SPIN1: variants seen among roughly 807,000 people sequenced by gnomAD.
The protein encoded by SPIN1 is spindlin 1.
SPIN1 carries 3 observed loss-of-function variants against 26.0 expected under a neutral mutation model. The ratio of observed to expected loss-of-function variants is 0.12; its 90% CI spans 0.05 to 0.30. The LOEUF (loss-of-function observed/expected upper bound fraction) is 0.30, where lower values mean the gene tolerates loss of function less well. Among genes scored for constraint, SPIN1 ranks in the 10% least tolerant of loss-of-function variants. SPIN1 has a pLI of 1.00. For missense variants in SPIN1, 126 were observed against 333.4 expected, an observed-to-expected ratio of 0.38 and a Z score of 4.84; for synonymous variants, 101 against 116.5, an observed-to-expected ratio of 0.87 and a Z score of 0.86.
intron 3 of SPIN1, among the ~76,000 whole-genome samples, chr9:88,456,061 G>A (rs982959644): frequency 1.3e-5 from 2 of 152,148 alleles, no homozygotes. Flanking sequence ...TTAGTTTCCC[G>A]TGTTAGCAAT....
Position 88,477,167 on chromosome 9 carries a change from C to A in SPIN1, c.*1890C>A, listed in dbSNP as rs1828904935. 6.6e-6 allele frequency: 1 copy of A among 152,158 alleles called. No homozygotes were observed. The highest frequency in any genetic ancestry group is 1.5e-5 in the Non-Finnish European group (1 of 68,042). The allele number at this position is 152,158 out of a possible 1,614,324, so 9.4% of individuals were successfully genotyped here. Reference sequence around the variant, plus strand: ...ATTCTACAGATCTGTTATGTGTTTTCCTGTTGACTCTTAAGAGTCCCTGCA... The same window carrying A: ...ATTCTACAGATCTGTTATGTGTTTTACTGTTGACTCTTAAGAGTCCCTGCA... On this transcript the variant is annotated 3_prime_UTR_variant, in exon 6 of 6. Transcript: ENST00000375859.
intron 3 of SPIN1, among the ~76,000 whole-genome samples, chr9:88,458,935 A>T (rs956582312): frequency 6.6e-6 from 1 of 152,196 alleles, no homozygotes; most frequent in Non-Finnish European, 1.5e-5. Flanking sequence ...CCAAATGTTC[A>T]TTCCAGCTAA....
chr9:88,389,129 C>T (rs986711649), intron 1 of SPIN1, among the ~76,000 whole-genome samples: 8 of 152,160 alleles, frequency 5.3e-5, no homozygotes, highest in African/African-American at 1.9e-4. Context: ...GTTGCAGGCT[C>T]CGCGGTTCGC....
In SPIN1 at chr9:88,409,358, C is replaced by CTG. The variant is rs535911102; in HGVS notation, c.-158-17014_-158-17013dup. ...TATTCATTTTGTCTCCTTGTTGGCT[C>CTG]TGTGTGTGTGTATACACACGTGCAC... On this transcript the variant is annotated intron_variant, in intron 1 of 5. Transcript: ENST00000375859. Among the ~76,000 whole-genome samples the CTG allele has an allele frequency of 2.1e-3, 323 of 151,556 alleles. 1 individual carries two copies. The highest frequency in any genetic ancestry group is 7.7e-3 in the African/African-American group (316 of 41,278).
At chr9:88,416,167 G>C (rs1241203265) in intron 1 of SPIN1, among the ~76,000 whole-genome samples, 1 of 152,038 alleles carries the variant, frequency 6.6e-6, no homozygotes, top group Non-Finnish European at 1.5e-5. Flanking sequence ...CTAAATTTTT[G>C]TTGTGAAACA....
chr9:88,464,965 AT>A (rs1185204385), intron 4 of SPIN1, among the ~76,000 whole-genome samples: 1 of 152,194 alleles, frequency 6.6e-6, no homozygotes, highest in East Asian at 1.9e-4. Context: ...GTCTCTATGA[AT>A]TTGACTATTC....
chr9:88,445,467 A>G (rs1051757788), intron 2 of SPIN1, among the ~76,000 whole-genome samples: 67 of 151,158 alleles, frequency 4.4e-4, no homozygotes, highest in Non-Finnish European at 3.5e-4. Context: ...TCTCCAAGGT[A>G]GTACAGTAAG....
chr9:88,457,396 G>T (rs914211705), intron 3 of SPIN1, among the ~76,000 whole-genome samples: 1 of 152,110 alleles, frequency 6.6e-6, no homozygotes, highest in Non-Finnish European at 1.5e-5. Flanking sequence ...GGGTGTGGTG[G>T]TGCACACCTG....
At chr9:88,396,249 AAATTACATTTTTAAAAGG>A (rs1344084685) in intron 1 of SPIN1, among the ~76,000 whole-genome samples, 5 of 151,648 alleles carry the variant, frequency 3.3e-5, no homozygotes, top group Non-Finnish European at 5.9e-5. Context: ...AAAAAAAAAA[AAATTACATTTTTAAAAGG>A]CAGATCTGAC....
intron 2 of SPIN1, among the ~76,000 whole-genome samples, chr9:88,441,398 C>CGCGTGTGTGTGTGTGTGTGTGT (rs757363030): frequency 0.013 from 1,853 of 137,688 alleles, 104 homozygotes; most frequent in African/African-American, 0.055. Flanking sequence ...TGCTGCCATT[C>CGCGTGTGTGTGTGTGTGTGTGT]GTGTGTGTGT....
chr9:88,452,260 G>C (rs1828369348), intron 3 of SPIN1, among the ~76,000 whole-genome samples: 1 of 152,214 alleles, frequency 6.6e-6, no homozygotes, highest in South Asian at 2.1e-4. Context: ...GATGCATGGA[G>C]GGATTAAGTA....
chr9:88,406,906 G>T (rs1385849906), intron 1 of SPIN1, among the ~76,000 whole-genome samples: 1 of 151,718 alleles, frequency 6.6e-6, no homozygotes, highest in Non-Finnish European at 1.5e-5. Context: ...TGTCATTATT[G>T]CATTGTTTTA....
chr9:88,473,069 C>T (rs568826525), intron 5 of SPIN1, among the ~76,000 whole-genome samples: 26 of 152,208 alleles, frequency 1.7e-4, no homozygotes, highest in Non-Finnish European at 3.4e-4. Flanking sequence ...CTCATCTGGC[C>T]TTGAATTTCT....
intron 1 of SPIN1, chr9:88,391,963 A>G (rs1459143868): frequency 6.6e-6 from 1 of 152,220 alleles, no homozygotes; most frequent in East Asian, 1.9e-4. Context: ...TGAAAACCCA[A>G]ACTCCAGCAA....
intron 2 of SPIN1, among the ~76,000 whole-genome samples, chr9:88,447,723 G>A (rs1277676948): frequency 3.9e-5 from 6 of 152,164 alleles, no homozygotes; most frequent in Non-Finnish European, 8.8e-5. Flanking sequence ...TTGCCCACAT[G>A]TACATGTAGT....
At chr9:88,394,168 A>G (rs946753741) in intron 1 of SPIN1, among the ~76,000 whole-genome samples, 5 of 152,166 alleles carry the variant, frequency 3.3e-5, no homozygotes, top group Non-Finnish European at 4.4e-5. Flanking sequence ...GTTTTAATCA[A>G]ATACTCACTG....
At chr9:88,426,923 G>C (rs1206070927) in intron 2 of SPIN1, among the ~76,000 whole-genome samples, 1 of 152,150 alleles carries the variant, frequency 6.6e-6, no homozygotes, top group Admixed American at 6.6e-5. Context: ...GTGAGATTTA[G>C]TGTACTGAGA....
intron 2 of SPIN1, among the ~76,000 whole-genome samples, chr9:88,441,429 CCAT>C: frequency 1.1e-5 from 1 of 91,436 alleles, no homozygotes; most frequent in African/African-American, 1.4e-4. Flanking sequence ...GCGCGCGCGC[CCAT>C]GTGTGTGTAC....
At chr9:88,405,997 TTGTGTGTCTGTGTGTGTGTGTGTGTG>T (rs1420648549) in intron 1 of SPIN1, among the ~76,000 whole-genome samples, 1 of 138,840 alleles carries the variant, frequency 7.2e-6, no homozygotes, top group Non-Finnish European at 1.6e-5. Context: ...CGTGCCTGGC[TTGTGTGTCTGTGTGTGTGTGTGTGTG>T]TGTGTGTGTG....
Sources: allele counts gnomAD v4.1 joint callset (sites outside exome capture counted in the v4.1 genomes callset), GRCh38; gene constraint gnomAD v4.1.1; transcripts MANE v1.5; gene names NCBI Gene and HGNC (gene_info 2026-07-23, HGNC 2026-07-21).